OTUD7B: variants seen among roughly 807,000 people sequenced by gnomAD.
The protein encoded by OTUD7B is OTU deubiquitinase 7B.
Under a neutral mutation model 82.2 loss-of-function variants are expected in OTUD7B, and 34 were observed. That is an observed-to-expected ratio of 0.41 (90% confidence interval 0.31 to 0.55). OTUD7B has a LOEUF of 0.55. OTUD7B is among the 20% of genes least tolerant of loss of function. The pLI is 0.20. For missense variants in OTUD7B, 944 were observed against 1,062.1 expected, an observed-to-expected ratio of 0.89 and a Z score of 1.55; for synonymous variants, 398 against 402.7, an observed-to-expected ratio of 0.99 and a Z score of 0.14.
chr1:150,010,472 C>T lies in OTUD7B; in HGVS notation c.-91G>A, dbSNP rs1292389972. 1 of 152,462 alleles carries T rather than the reference C, an allele frequency of 6.6e-6. No homozygotes were observed. The highest frequency in any genetic ancestry group is 1.5e-5 in the Non-Finnish European group (1 of 68,128). 9.4% of individuals were successfully genotyped at this position (152,462 alleles called of 1,614,324 possible). A position where few individuals can be genotyped will look rare whatever the true frequency, so the allele number is the denominator to read the frequency against. ...CCCTCGCGGGCTCCCGGGGCAAGGC[C>T]CTAGGCCGGGGCGGAGCGCGGGGCC... On this transcript the variant is annotated 5_prime_UTR_variant, in exon 1 of 12. Transcript: ENST00000581312.
chr1:149,974,115 A>G (rs1650125070), intron 2 of OTUD7B, among the ~76,000 whole-genome samples: 1 of 151,920 alleles, frequency 6.6e-6, no homozygotes, highest in Non-Finnish European at 1.5e-5. Context: ...CCCAAGCTGA[A>G]GTGCAGTGGT....
At chr1:149,955,669 G>A (rs1267016401) in intron 7 of OTUD7B, among the ~76,000 whole-genome samples, 1 of 151,688 alleles carries the variant, frequency 6.6e-6, no homozygotes, top group African/African-American at 2.4e-5. Context: ...ATTATTGTGT[G>A]GGAGTCTAAG....
At chr1:150,011,279 T>G (rs587701036), upstream of OTUD7B, among the ~76,000 whole-genome samples, 1 of 152,194 alleles carries the variant, frequency 6.6e-6, no homozygotes, top group African/African-American at 2.4e-5. Context: ...TGCTTTAGAC[T>G]GCTAACAGTA....
At position 149,989,853 on chromosome 1, in the gene OTUD7B, T is replaced by TA. The variant is rs1201725073; in HGVS notation, c.-66-12278dup. ...TACTTCTTATTACTATCGTCATTTT[T>TA]AAAATTCTCCATCTTTAAGTTCCAT... On this transcript the variant is annotated intron_variant, in intron 1 of 11. Transcript: ENST00000581312. 2.6e-5 allele frequency among the ~76,000 whole-genome samples: 4 copies of TA among 151,592 alleles called. No homozygotes were observed. In the East Asian group the frequency reaches 5.8e-4, roughly 22 times the overall value.
In OTUD7B at chr1:149,944,409, G is replaced by A. The variant is rs1553771419; in HGVS notation, c.1980C>T (p.Gly660=). 1.9e-6 allele frequency: 3 copies of A among 1,613,942 alleles called. No individual in the cohort carries two copies. Among genetic ancestry groups the A allele is most frequent in the South Asian group, 2.2e-5 (2 of 91,074 alleles). ...GCTCTGGCTTTTTGGCTGGAGGAGG[G>A]CCACCCCCTATTCCTCCATTCATGA... ...RKIMNGGIGG[G]PPPAKKPEPD... The change falls in exon 12 of 12, where the codon GGC becomes GGT. Residue 660 remains glycine, a synonymous_variant. Transcript: ENST00000581312.
At chr1:149,997,081 C>A (rs1651969766) in intron 1 of OTUD7B, among the ~76,000 whole-genome samples, 1 of 152,140 alleles carries the variant, frequency 6.6e-6, no homozygotes, top group African/African-American at 2.4e-5. Context: ...AATATTTAGT[C>A]TTGGCAGACG....
chr1:149,952,416 A>G (rs2101756458), intron 7 of OTUD7B, among the ~76,000 whole-genome samples: 1 of 152,264 alleles, frequency 6.6e-6, no homozygotes, highest in African/African-American at 2.4e-5. Context: ...TCCATGGTGT[A>G]TATGTGCCAC....
At chr1:149,958,528 C>G (rs1208499733) in intron 7 of OTUD7B, among the ~76,000 whole-genome samples, 2 of 151,948 alleles carry the variant, frequency 1.3e-5, no homozygotes, top group Non-Finnish European at 2.9e-5. Flanking sequence ...AGGGTTTCAC[C>G]ACATTGGCCA....
chr1:150,045,094 A>AAT, the OTUD7B span, among the ~76,000 whole-genome samples: 122,892 of 146,510 alleles, frequency 0.84, 51,651 homozygotes, highest in East Asian at 0.99. Context: ...CTTAAACTAA[A>AAT]TTTTTTTTTT....
At chr1:149,946,068 AAT>A (rs1553772004) in intron 11 of OTUD7B, among the ~76,000 whole-genome samples, 201 of 55,326 alleles carry the variant, frequency 3.6e-3, no homozygotes, top group African/African-American at 0.013. Context: ...CTCAAAGAAA[AAT>A]AATAATAATA....
the OTUD7B span, among the ~76,000 whole-genome samples, chr1:150,052,460 G>A: frequency 6.6e-6 from 1 of 152,114 alleles, no homozygotes; most frequent in African/African-American, 2.4e-5. Context: ...CAGCTAACCA[G>A]GGAGGTGAAA....
At chr1:149,967,232 C>T (rs587700971) in intron 4 of OTUD7B, 62 bp downstream of exon 4, 115 of 1,234,164 alleles carry the variant, frequency 9.3e-5, no homozygotes, top group Non-Finnish European at 1.3e-4. Flanking sequence ...CCAGCCCCTC[C>T]ACAAGGCTGC....
the OTUD7B span, among the ~76,000 whole-genome samples, chr1:150,043,081 C>A: frequency 1.3e-5 from 2 of 152,148 alleles, no homozygotes; most frequent in South Asian, 4.1e-4. Context: ...GACCTTTGCA[C>A]CAGCATCGCC....
rs1553771775 is a variant in OTUD7B at position 149,945,008 on chromosome 1, T to C, written c.1381A>G (p.Thr461Ala). The C allele has an allele frequency of 6.2e-7, 1 of 1,613,728 alleles. No individual in the cohort carries two copies. The highest frequency in any genetic ancestry group is 1.7e-5 in the Admixed American group (1 of 59,970). Residue 461 changes from threonine to alanine, a missense_variant, in exon 12 of 12, where the codon ACT (threonine) becomes GCT (alanine). Coordinates refer to ENST00000581312, the MANE Select transcript of OTUD7B (RefSeq NM_020205.4). ...TTGTCTGAGTCTCCAGACTCAGGAG[T>C]GGACCGGGGCTCATCTCCAGCTGAG... ...TASAGDEPRS[T>A]PESGDSDKES...
chr1:150,003,047 A>C (rs1174086337), intron 1 of OTUD7B, among the ~76,000 whole-genome samples: 2 of 151,900 alleles, frequency 1.3e-5, no homozygotes, highest in African/African-American at 4.8e-5. Context: ...TCAGGAGATC[A>C]AGACCATCCT....
intron 3 of OTUD7B, 55 bp from the exon 4 acceptor site, chr1:149,967,576 T>A: frequency 7.5e-7 from 1 of 1,328,706 alleles, no homozygotes; most frequent in Non-Finnish European, 1.0e-6. Flanking sequence ...TGGAGAACTC[T>A]ACACTGATGT....
the OTUD7B span, among the ~76,000 whole-genome samples, chr1:150,049,679 T>G: frequency 5.6e-5 from 7 of 125,964 alleles, no homozygotes; most frequent in South Asian, 2.8e-4. Flanking sequence ...AGGCTCGACC[T>G]CCTGGGCTCA....
chr1:149,973,459 A>G (rs1650066445), intron 2 of OTUD7B, among the ~76,000 whole-genome samples: 1 of 152,124 alleles, frequency 6.6e-6, no homozygotes. Flanking sequence ...AGTCCTATTG[A>G]AATACAATCA....
intron 6 of OTUD7B, chr1:149,960,840 A>G (rs1649102521): frequency 6.6e-6 from 1 of 150,928 alleles, no homozygotes; most frequent in Non-Finnish European, 1.5e-5. Flanking sequence ...AGCACCAACT[A>G]TCACCCAAAC....
Sources: gnomAD v4.1 joint callset for allele counts (sites outside exome capture counted in the v4.1 genomes callset) on GRCh38, gnomAD v4.1.1 for gene constraint, MANE v1.5 for transcripts, NCBI Gene and HGNC (gene_info 2026-07-23, HGNC 2026-07-21) for gene names.